Variants in PGCKA1 observed in about 807,000 individuals in gnomAD.
PGCKA1 encodes PDCD10 and GCKIII kinases associated 1, also known as PDCD10 and GCKIII kinases-associated protein 1.
At chr4:37,482,253 C>G in the PGCKA1 span, among the ~76,000 whole-genome samples, 5 of 152,270 alleles carry the variant, frequency 3.3e-5, no homozygotes, top group African/African-American at 1.2e-4. Flanking sequence ...CAGGAGAAGA[C>G]AGAAAAATGT....
At chr4:37,513,780 G>A in the PGCKA1 span, among the ~76,000 whole-genome samples, 5 of 152,302 alleles carry the variant, frequency 3.3e-5, no homozygotes, top group Admixed American at 6.5e-5. Context: ...AAATTGTGTG[G>A]AGACTAAATA....
the PGCKA1 span, among the ~76,000 whole-genome samples, chr4:37,574,756 C>A: frequency 6.6e-6 from 1 of 151,912 alleles, no homozygotes; most frequent in African/African-American, 2.4e-5. Context: ...TTCACCCCCA[C>A]CCCCAACTAT....
chr4:37,545,553 G>A, the PGCKA1 span, among the ~76,000 whole-genome samples: 1 of 152,108 alleles, frequency 6.6e-6, no homozygotes, highest in Non-Finnish European at 1.5e-5. Flanking sequence ...ATCTAAATTG[G>A]GCTAATCCTT....
the PGCKA1 span, among the ~76,000 whole-genome samples, chr4:37,481,513 C>A: frequency 3.9e-5 from 3 of 77,368 alleles, no homozygotes. Context: ...AGTCCAAGAT[C>A]AAGGTATCAG....
At chr4:37,479,616 C>T in the PGCKA1 span, among the ~76,000 whole-genome samples, 1 of 152,116 alleles carries the variant, frequency 6.6e-6, no homozygotes, top group Admixed American at 6.5e-5. Flanking sequence ...GGGCGCTAAC[C>T]AGGCAGGAGG....
At chr4:37,553,398 T>C in the PGCKA1 span, among the ~76,000 whole-genome samples, 4 of 137,276 alleles carry the variant, frequency 2.9e-5, no homozygotes, top group African/African-American at 1.1e-4. Flanking sequence ...TGGATGTTGT[T>C]AGTTTCATCT....
At chr4:37,578,381 G>C in the PGCKA1 span, among the ~76,000 whole-genome samples, 1 of 151,700 alleles carries the variant, frequency 6.6e-6, no homozygotes, top group Non-Finnish European at 1.5e-5. Flanking sequence ...GCCCTTTTTT[G>C]GTTTCCATTG....
the PGCKA1 span, among the ~76,000 whole-genome samples, chr4:37,566,496 G>A: frequency 6.6e-6 from 1 of 152,126 alleles, no homozygotes; most frequent in Non-Finnish European, 1.5e-5. Context: ...GGCCAGGCTG[G>A]TCTCGAACTC....
At chr4:37,554,810 A>G in the PGCKA1 span, among the ~76,000 whole-genome samples, 1 of 152,354 alleles carries the variant, frequency 6.6e-6, no homozygotes, top group South Asian at 2.1e-4. Context: ...GTGCAAAGGT[A>G]TAGAAGCATT....
chr4:37,459,440 C>T, the PGCKA1 span, among the ~76,000 whole-genome samples: 1 of 152,070 alleles, frequency 6.6e-6, no homozygotes, highest in African/African-American at 2.4e-5. Context: ...AGTAATATTC[C>T]CATTATACAA....
chr4:37,558,546 T>C, the PGCKA1 span, among the ~76,000 whole-genome samples: 15 of 152,184 alleles, frequency 9.9e-5, no homozygotes, highest in African/African-American at 3.4e-4. Context: ...AAGGACTTCA[T>C]GTCTAAAACA....
At chr4:37,499,328 G>A in the PGCKA1 span, among the ~76,000 whole-genome samples, 2 of 152,132 alleles carry the variant, frequency 1.3e-5, no homozygotes, top group Non-Finnish European at 2.9e-5. Flanking sequence ...GGATGATGCT[G>A]GCCTCATAGA....
the PGCKA1 span, among the ~76,000 whole-genome samples, chr4:37,501,454 A>C: frequency 6.6e-6 from 1 of 152,178 alleles, no homozygotes; most frequent in African/African-American, 2.4e-5. Flanking sequence ...GTGAGGTGGA[A>C]CAGTTTCATC....
chr4:37,470,741 C>T, the PGCKA1 span, among the ~76,000 whole-genome samples: 5 of 152,144 alleles, frequency 3.3e-5, no homozygotes, highest in African/African-American at 1.2e-4. Context: ...TCATTGTAAG[C>T]CAGTTATTTT....
the PGCKA1 span, among the ~76,000 whole-genome samples, chr4:37,477,511 T>C: frequency 2.0e-5 from 3 of 152,134 alleles, no homozygotes; most frequent in African/African-American, 4.8e-5. Flanking sequence ...GCAAAAAAAA[T>C]TGAAATACTT....
the PGCKA1 span, among the ~76,000 whole-genome samples, chr4:37,573,237 T>A: frequency 2.6e-5 from 4 of 152,236 alleles, no homozygotes; most frequent in Admixed American, 2.6e-4. Context: ...GATTTAAAAA[T>A]CTACAAATCT....
the PGCKA1 span, among the ~76,000 whole-genome samples, chr4:37,495,137 C>T: frequency 1.3e-5 from 2 of 152,052 alleles, no homozygotes; most frequent in Admixed American, 1.3e-4. Flanking sequence ...AAAAGCTCAT[C>T]GTCACTGGTC....
the PGCKA1 span, among the ~76,000 whole-genome samples, chr4:37,550,364 TAAAA>T: frequency 6.7e-6 from 1 of 148,550 alleles, no homozygotes; most frequent in Non-Finnish European, 1.5e-5. Context: ...AGTTACACAG[TAAAA>T]AAAAAAATTA....
the PGCKA1 span, among the ~76,000 whole-genome samples, chr4:37,511,230 A>C: frequency 6.6e-6 from 1 of 152,080 alleles, no homozygotes; most frequent in East Asian, 1.9e-4. Context: ...AAGGTGACAA[A>C]GTCCACTTTT....
Sources: gnomAD v4.1 joint callset for allele counts (sites outside exome capture counted in the v4.1 genomes callset) on GRCh38, gnomAD v4.1.1 for gene constraint, MANE v1.5 for transcripts, NCBI Gene and HGNC (gene_info 2026-07-23, HGNC 2026-07-21) for gene names.